The following HIRIP3 variants were observed in gnomAD, a reference collection of about 807,000 sequenced individuals.
HIRIP3 encodes HIRA interacting protein 3.
HIRIP3 carries 40 observed loss-of-function variants against 50.3 expected under a neutral mutation model. The ratio of observed to expected loss-of-function variants is 0.79; its 90% CI spans 0.62 to 1.03. HIRIP3 has a LOEUF of 1.03. HIRIP3 is among the 50% of genes least tolerant of loss of function. The probability of loss-of-function intolerance (pLI) is 0.00; values close to 1 mark genes in which losing one functional copy is unlikely to be tolerated. For synonymous variants in HIRIP3, 318 were observed against 261.6 expected, an observed-to-expected ratio of 1.22 and a Z score of -2.08; for missense variants, 765 against 705.4, an observed-to-expected ratio of 1.08 and a Z score of -0.96.
chr16:29,994,184 T>C lies in HIRIP3; in HGVS notation c.961A>G (p.Thr321Ala), dbSNP rs1332401792. ...AACCTCTTCCCACCCTTAAGCTGGG[T>C]CCTGTCCTCACTCTTCCTCTGCACT... The part of the protein sequence containing the change: ...PPVQRKSEDR[T>A]QLKGGKRLSG... Residue 321 changes from threonine (T) to alanine (A), a missense_variant, in exon 4 of 7, where the codon ACC becomes GCC. Thr to Ala is a moderately conservative substitution (Grantham distance 58). Coordinates refer to ENST00000279392, the MANE Select transcript of HIRIP3 (RefSeq NM_003609.5). 4 of 1,614,094 alleles carry C rather than the reference T, an allele frequency of 2.5e-6. No homozygotes were observed. The East Asian group carries it at 8.9e-5, about 36-fold the overall frequency.
downstream of HIRIP3, chr16:29,992,329 C>T (rs1276626581): frequency 2.0e-5 from 3 of 152,132 alleles, no homozygotes; most frequent in Non-Finnish European, 4.4e-5. Flanking sequence ...AATAGTACTG[C>T]TTGTGTTTTA....
chr16:29,995,929 C>T, upstream of HIRIP3: 1 of 570,026 alleles, frequency 1.8e-6, no homozygotes, highest in East Asian at 3.0e-5. Context: ...CGGGCAACAG[C>T]TAGGCTGCTG....
In HIRIP3 at chr16:29,994,326, C is replaced by T; in HGVS notation, c.819G>A (p.Glu273=). The T allele has an allele frequency of 1.2e-6, 2 of 1,614,136 alleles. No homozygotes were observed. The highest frequency in any genetic ancestry group is 1.7e-6 in the Non-Finnish European group (2 of 1,180,028). The change falls in exon 4 of 7, where the codon GAG becomes GAA. Residue 273 remains glutamate, a synonymous_variant. Coordinates refer to ENST00000279392, the MANE Select transcript of HIRIP3 (RefSeq NM_003609.5). ...CCTGGCTTTTCTGCTTACAGCTCCTCTCCTCCCTAGCTGACTTTCTCCGGC... is the reference window on the plus strand; with the variant it reads ...CCTGGCTTTTCTGCTTACAGCTCCTTTCCTCCCTAGCTGACTTTCTCCGGC... ...SNGRRKSARE[E]RSCKQKSQAK...
intron 6 of HIRIP3, 31 bp downstream of exon 6, chr16:29,993,428 T>C: frequency 6.3e-7 from 1 of 1,595,838 alleles, no homozygotes; most frequent in Non-Finnish European, 8.6e-7. Context: ...CCCACCTATC[T>C]GCTCCTGGGC....
rs981819156 is a variant in HIRIP3 at position 29,994,413 on chromosome 16, C to A, written c.732G>T (p.Glu244Asp). ...QKKEQREEEV[E>D]EEEKEEDEEK... Reference sequence around the variant, plus strand: ...CCTCATCCTCTTCTTTCTCTTCCTCCTCCACTTCCTCCTCTCTCTGCTCTT... The same window carrying A: ...CCTCATCCTCTTCTTTCTCTTCCTCATCCACTTCCTCCTCTCTCTGCTCTT... The change falls in exon 4 of 7, where the codon GAG becomes GAT. Residue 244 changes from glutamate (E) to aspartate (D), a missense_variant. Transcript: ENST00000279392. 1 of 1,613,684 alleles carries A rather than the reference C, an allele frequency of 6.2e-7. No individual in the cohort carries two copies. Among genetic ancestry groups the A allele is most frequent in the African/African-American group, 1.3e-5 (1 of 74,802 alleles).
rs768604334 is a variant in HIRIP3, at chr16:29,993,493, G to A, written c.1473C>T (p.Ala491=). The A allele has an allele frequency of 1.1e-5, 18 of 1,613,848 alleles. No homozygotes were observed. Among genetic ancestry groups the A allele is most frequent in the Non-Finnish European group, 1.5e-5 (18 of 1,179,826 alleles). Residue 491 remains alanine (A), a synonymous_variant, in exon 6 of 7, where the codon GCC becomes GCT. Coordinates refer to ENST00000279392, the MANE Select transcript of HIRIP3 (RefSeq NM_003609.5). ...KEQREEAAEV[A]SLDVANIISG... ...TGATGATGTTCGCAACATCCAAGGA[G>A]GCCACCTCAGCTGCCTCCTCCCTCT...
At chr16:29,995,915 G>C (rs1005078146), upstream of HIRIP3, 1 of 572,224 alleles carries the variant, frequency 1.7e-6, no homozygotes, top group African/African-American at 1.9e-5. Flanking sequence ...TTTCTCACTG[G>C]TCACGGGCAA....
chr16:29,993,274 G>C lies in HIRIP3; in HGVS notation c.1604C>G (p.Pro535Arg). 1.9e-6 allele frequency: 3 copies of C among 1,553,378 alleles called. No homozygotes were observed. Among genetic ancestry groups the C allele is most frequent in the Non-Finnish European group, 2.6e-6 (3 of 1,149,762 alleles). The change falls in exon 7 of 7, where the codon CCC (proline) becomes CGC (arginine). Residue 535 changes from proline (P) to arginine (R), a missense_variant. Transcript: ENST00000279392. ...TGACCAGTCTGGGGGTGCGGGACGGGGCCGCTCTTCATCTGAGTCCAGGGT... is the reference window on the plus strand; with the variant it reads ...TGACCAGTCTGGGGGTGCGGGACGGCGCCGCTCTTCATCTGAGTCCAGGGT... Reference protein sequence around the residue: ...RRTLDSDEERPRPAPPDWSHM... With the variant: ...RRTLDSDEERRRPAPPDWSHM...
Position 29,993,025 on chromosome 16 carries a change from T to G in HIRIP3, c.*182A>C. 1 of 465,576 alleles carries G rather than the reference T, an allele frequency of 2.1e-6. No homozygotes were observed. The highest frequency in any genetic ancestry group is 3.6e-6 in the Non-Finnish European group (1 of 274,336). 28.8% of individuals were successfully genotyped at this position (465,576 alleles called of 1,614,324 possible). A position where few individuals can be genotyped will look rare whatever the true frequency, so the allele number is the denominator to read the frequency against. On this transcript the variant is annotated 3_prime_UTR_variant, in exon 7 of 7. Coordinates refer to ENST00000279392, the MANE Select transcript of HIRIP3 (RefSeq NM_003609.5). ...TGATTAAAAACACTCCTTTATTGAG[T>G]CTTAAAAAATAAACACCTTAAAGGG...
chr16:29,993,195 G>C lies in HIRIP3; in HGVS notation c.*12C>G, dbSNP rs201427647. Reference sequence around the variant, plus strand: ...TACATGTATCAAGGGTCCCTCCTGGGGGTGGCAGAGCTCAGTTACTCTCGC... The same window carrying C: ...TACATGTATCAAGGGTCCCTCCTGGCGGTGGCAGAGCTCAGTTACTCTCGC... On this transcript the variant is annotated 3_prime_UTR_variant, in exon 7 of 7. Coordinates refer to ENST00000279392, the MANE Select transcript of HIRIP3 (RefSeq NM_003609.5). 298 of 1,584,214 alleles carry C rather than the reference G, an allele frequency of 1.9e-4. 1 individual carries two copies. The East Asian group carries it at 5.9e-3, about 31-fold the overall frequency.
intron 1 of HIRIP3, 24 bp from the exon 2 acceptor site, chr16:29,995,487 G>T (rs756484175): frequency 6.2e-7 from 1 of 1,613,648 alleles, no homozygotes; most frequent in Middle Eastern, 1.7e-4. Flanking sequence ...GTGTCAGGAC[G>T]GAGTCCCGAC....
In HIRIP3 at chr16:29,994,838, C is replaced by A. The variant is rs746998480; in HGVS notation, c.307G>T (p.Gly103Cys). 6.2e-7 allele frequency: 1 copy of A among 1,604,380 alleles called. No individual in the cohort carries two copies. Among genetic ancestry groups the A allele is most frequent in the East Asian group, 2.2e-5 (1 of 44,840 alleles). ...RFRFNSESES[G>C]SEASSPDYFG... Reference sequence around the variant, plus strand: ...TAGTCTGGGCTGGAGGCTTCAGAGCCGGACTCTGGAATATGGAGAGGAGAG... The same window carrying A: ...TAGTCTGGGCTGGAGGCTTCAGAGCAGGACTCTGGAATATGGAGAGGAGAG... The change falls in exon 4 of 7, where the codon GGC (glycine) becomes TGC (cysteine). Residue 103 changes from glycine (G) to cysteine (C), a missense_variant. Transcript: ENST00000279392.
At chr16:29,995,792 G>T, upstream of HIRIP3, 1 of 674,308 alleles carries the variant, frequency 1.5e-6, no homozygotes, top group Non-Finnish European at 2.5e-6. Flanking sequence ...GGCAGTTGGA[G>T]GGTCTCGCGG....
rs778908777 is a variant in HIRIP3 at position 29,993,825 on chromosome 16, A to G, written c.1240-17T>C. On this transcript the variant is annotated splice_polypyrimidine_tract_variant and intron_variant, in intron 4 of 6. Coordinates refer to ENST00000279392, the MANE Select transcript of HIRIP3 (RefSeq NM_003609.5). ...TGAGCCAGCCTAGCAAGGAAAGAGCAGCTGAAGGCCAAGCCTGCTGGGCCT... is the reference window on the plus strand; with the variant it reads ...TGAGCCAGCCTAGCAAGGAAAGAGCGGCTGAAGGCCAAGCCTGCTGGGCCT... The G allele has an allele frequency of 2.5e-6, 4 of 1,613,684 alleles. No individual in the cohort carries two copies. The Admixed American group carries it at 6.7e-5, about 27-fold the overall frequency.
In HIRIP3 at chr16:29,993,933, A is replaced by C; in HGVS notation, c.1212T>G (p.Asp404Glu). ...TCCCTCCTTTGGCCTCTGGACTTCCATCTGAGGAGGAAGAGGAGCTTCGTG... is the reference window on the plus strand; with the variant it reads ...TCCCTCCTTTGGCCTCTGGACTTCCCTCTGAGGAGGAAGAGGAGCTTCGTG... ...GRTRSSSSSSDGSPEAKGGKA... is the reference protein window; with the variant it reads ...GRTRSSSSSSEGSPEAKGGKA... Residue 404 changes from aspartate (D) to glutamate (E), a missense_variant, in exon 4 of 7, where the codon GAT (aspartate) becomes GAG (glutamate). Coordinates refer to ENST00000279392, the MANE Select transcript of HIRIP3 (RefSeq NM_003609.5). The C allele has an allele frequency of 1.3e-6, 2 of 1,561,296 alleles. No homozygotes were observed. The highest frequency in any genetic ancestry group is 8.7e-7 in the Non-Finnish European group (1 of 1,153,112).
chr16:29,994,566 C>T lies in HIRIP3; in HGVS notation c.579G>A (p.Arg193=), dbSNP rs1208652352. The change falls in exon 4 of 7, where the codon AGG becomes AGA. Residue 193 remains arginine (R), a synonymous_variant. Transcript: ENST00000279392. The part of the protein sequence containing the change: ...GKASVSRKQA[R]EESEESEAEP... ...CTGCCTCGCTCTCCTCACTTTCTTC[C>T]CTGGCCTGCTTCCTACTGACTGAGG... is the stretch of plus-strand genomic sequence containing the variant. 2.0e-5 allele frequency: 32 copies of T among 1,614,064 alleles called. No individual in the cohort carries two copies. The highest frequency in any genetic ancestry group is 2.6e-5 in the Non-Finnish European group (31 of 1,180,040).
At position 29,994,818 on chromosome 16, in the gene HIRIP3, T is replaced by A. The variant is rs2070051223; in HGVS notation, c.327A>T (p.Pro109=). The change falls in exon 4 of 7, where the codon CCA becomes CCT. Residue 109 remains proline (P), a synonymous_variant. Transcript: ENST00000279392. ...ESESGSEASS[P]DYFGPPAKNG... is the part of the protein sequence containing the mutation. ...TCTTTGCTGGGGGTCCAAAGTAGTC[T>A]GGGCTGGAGGCTTCAGAGCCGGACT... The A allele has an allele frequency of 1.9e-6, 3 of 1,612,226 alleles. No individual in the cohort carries two copies. The Admixed American group carries it at 5.0e-5, about 27-fold the overall frequency.
Position 29,993,258 on chromosome 16 carries a change from T to C in HIRIP3, c.1620A>G (p.Pro540=). The C allele has an allele frequency of 1.3e-6, 2 of 1,575,258 alleles. No individual in the cohort carries two copies. The highest frequency in any genetic ancestry group is 2.3e-5 in the South Asian group (2 of 85,240). The change falls in exon 7 of 7, where the codon CCA becomes CCG. Residue 540 remains proline (P), a synonymous_variant. Transcript: ENST00000279392. ...TGATGCCACGCATATGTGACCAGTC[T>C]GGGGGTGCGGGACGGGGCCGCTCTT... The part of the protein sequence containing the change: ...SDEERPRPAP[P]DWSHMRGIIS...
At chr16:29,995,726 C>T (rs1363541314), upstream of HIRIP3, 3 of 1,309,208 alleles carry the variant, frequency 2.3e-6, no homozygotes, top group African/African-American at 1.5e-5. Flanking sequence ...ACCGTTGGCC[C>T]TTGGCCGCGG....
Sources: gnomAD v4.1 joint callset for allele counts on GRCh38, gnomAD v4.1.1 for gene constraint, MANE v1.5 for transcripts, NCBI Gene and HGNC (gene_info 2026-07-23, HGNC 2026-07-21) for gene names.